PCDHGA3: variants seen among roughly 807,000 people sequenced by gnomAD.
PCDHGA3 encodes protocadherin gamma-A3.
A neutral mutation model predicts 58.5 loss-of-function variants in PCDHGA3; 40 were observed. The observed-to-expected ratio is 0.68, with a 90% CI of 0.53 to 0.89. The LOEUF is 0.89. Ranked by LOEUF, PCDHGA3 falls within the 40% of genes least tolerant of loss-of-function variation. The pLI is 0.00. For missense variants in PCDHGA3, 1,223 were observed against 1,195.9 expected (o/e 1.02, Z -0.33); for synonymous variants, 530 against 525.7 (o/e 1.01, Z -0.11).
intron 1 of PCDHGA3, chr5:141,388,215 G>A (rs2091280920): frequency 6.3e-7 from 1 of 1,597,062 alleles, no homozygotes. Flanking sequence ...GGCTGTTGCT[G>A]AAAATCCACT....
chr5:141,356,666 A>G (rs1760298726), intron 1 of PCDHGA3: 1 of 1,613,726 alleles, frequency 6.2e-7, no homozygotes, highest in Admixed American at 1.7e-5. Flanking sequence ...CGAATCACTT[A>G]CTCCCTGGCC....
chr5:141,409,875 A>G, intron 1 of PCDHGA3: 1 of 1,612,810 alleles, frequency 6.2e-7, no homozygotes, highest in Non-Finnish European at 8.5e-7. Flanking sequence ...CGCAATGACA[A>G]CGCACCGCGG....
chr5:141,432,413 G>T lies in PCDHGA3; in HGVS notation c.2425-62394G>T, dbSNP rs369816901. On this transcript the variant is annotated intron_variant, in intron 1 of 3. Transcript: ENST00000253812. This position sits in a 1 kb window ranked among gnomAD's most constrained non-coding sequence, Gnocchi z 6.0. ...CAGCAACGTGTCGTTGAGCCTGTTCGTGCTGGACCAGAACGACAATGCGCC... is the reference window on the plus strand; with the variant it reads ...CAGCAACGTGTCGTTGAGCCTGTTCTTGCTGGACCAGAACGACAATGCGCC... The T allele has an allele frequency of 6.2e-7, 1 of 1,614,232 alleles. No homozygotes were observed.
At chr5:141,385,287 T>C in intron 1 of PCDHGA3, 1 of 1,613,408 alleles carries the variant, frequency 6.2e-7, no homozygotes, top group Non-Finnish European at 8.5e-7. Flanking sequence ...CATCCGTAGA[T>C]TTTCAGGAAT....
chr5:141,502,866 CTT>C (rs549047197), intron 2 of PCDHGA3, among the ~76,000 whole-genome samples: 3 of 127,996 alleles, frequency 2.3e-5, no homozygotes, highest in Admixed American at 8.6e-5. Flanking sequence ...GACTCTCTGT[CTT>C]TTTTTTTTTT....
intron 1 of PCDHGA3, chr5:141,383,406 T>C (rs780989648): frequency 6.2e-7 from 1 of 1,613,748 alleles, no homozygotes; most frequent in Admixed American, 1.7e-5. Context: ...CCCTCCAGAG[T>C]TACCAGCTCA....
chr5:141,505,618 A>G, intron 3 of PCDHGA3, 137 bp downstream of exon 3: 6 of 1,496,136 alleles, frequency 4.0e-6, no homozygotes, highest in Non-Finnish European at 5.4e-6. Flanking sequence ...GAAAGGACCC[A>G]CAATTCCAAA....
chr5:141,358,758 G>A (rs1369983986), intron 1 of PCDHGA3, among the ~76,000 whole-genome samples: 3 of 152,164 alleles, frequency 2.0e-5, no homozygotes, highest in Admixed American at 2.0e-4. Context: ...TTGTCATCAT[G>A]TGAGCCTCTT....
At chr5:141,417,256 C>G (rs985322130) in intron 1 of PCDHGA3, 1 of 152,096 alleles carries the variant, frequency 6.6e-6, no homozygotes, top group Non-Finnish European at 1.5e-5. Flanking sequence ...CTTCCAGCTT[C>G]ATAGATAATT....
chr5:141,470,490 A>C (rs1193023083), intron 1 of PCDHGA3, among the ~76,000 whole-genome samples: 1 of 152,202 alleles, frequency 6.6e-6, no homozygotes, highest in African/African-American at 2.4e-5. Context: ...TCTGGGAATA[A>C]TATTAGGTAA....
intron 1 of PCDHGA3, chr5:141,385,530 A>T (rs1020257746): frequency 2.5e-4 from 336 of 1,356,078 alleles, no homozygotes; most frequent in Non-Finnish European, 2.9e-4. Flanking sequence ...GGACAAGATT[A>T]TGAATATGTG....
In PCDHGA3 at chr5:141,384,530, G is replaced by T. The variant is rs772652132; in HGVS notation, c.2424+38073G>T. The T allele has an allele frequency of 1.7e-5, 28 of 1,614,238 alleles. No individual in the cohort carries two copies. In the South Asian group the frequency reaches 2.6e-4, roughly 15 times the overall value. On this transcript the variant is annotated intron_variant, in intron 1 of 3. Coordinates refer to ENST00000253812, the MANE Select transcript of PCDHGA3 (RefSeq NM_018916.4). ...GACAGCGGGGACCCGCCTCTCAGCA[G>T]CAACATGTCACTGAGCCTGTTCGTG...
Position 141,487,070 on chromosome 5 carries a change from C to T in PCDHGA3, c.2425-7737C>T. ...TGCTGGGGAGGTGCGGACGGCTGTT[C>T]CTATCCCAGCTGACCTCCCACCACA... On this transcript the variant is annotated intron_variant, in intron 1 of 3. Coordinates refer to ENST00000253812, the MANE Select transcript of PCDHGA3 (RefSeq NM_018916.4). This position sits in a 1 kb window ranked among gnomAD's most constrained non-coding sequence, Gnocchi z 5.0. The T allele has an allele frequency of 6.2e-7, 1 of 1,614,154 alleles. No homozygotes were observed. Among genetic ancestry groups the T allele is most frequent in the Non-Finnish European group, 8.5e-7 (1 of 1,180,008 alleles).
chr5:141,418,681 C>T (rs778899235), intron 1 of PCDHGA3: 2 of 1,614,052 alleles, frequency 1.2e-6, no homozygotes, highest in Non-Finnish European at 1.7e-6. Flanking sequence ...AGGGCATCAA[C>T]TCAGAGATCA....
chr5:141,360,756 A>C lies in PCDHGA3; in HGVS notation c.2424+14299A>C, dbSNP rs377534214. 274 of 1,614,010 alleles carry C rather than the reference A, an allele frequency of 1.7e-4. No individual in the cohort carries two copies. Among genetic ancestry groups the C allele is most frequent in the Non-Finnish European group, 2.2e-4 (262 of 1,179,904 alleles). On this transcript the variant is annotated intron_variant, in intron 1 of 3. Coordinates refer to ENST00000253812, the MANE Select transcript of PCDHGA3 (RefSeq NM_018916.4). ...CTCTGGACAGAGAAGAGCACAGTTT[A>C]CATCAATTGGTCCTCACAGCTGTGG...
chr5:141,491,810 G>T lies in PCDHGA3; in HGVS notation c.2425-2997G>T. 1 of 1,486,878 alleles carries T rather than the reference G, an allele frequency of 6.7e-7. No individual in the cohort carries two copies. The allele number at this position is 1,486,878 out of a possible 1,614,324, so 92.1% of individuals were successfully genotyped here. A position where few individuals can be genotyped will look rare whatever the true frequency, so the allele number is the denominator to read the frequency against. ...CCACTCCTCTCCGGCCGGCTTGGTC[G>T]CTGGCTGCGCTCCACCCGATTCTCG... On this transcript the variant is annotated intron_variant, in intron 1 of 3. Coordinates refer to ENST00000253812, the MANE Select transcript of PCDHGA3 (RefSeq NM_018916.4). This position sits in a 1 kb window ranked among gnomAD's most constrained non-coding sequence, Gnocchi z 6.9.
chr5:141,483,538 G>C (rs571240759), intron 1 of PCDHGA3, among the ~76,000 whole-genome samples: 1 of 152,230 alleles, frequency 6.6e-6, no homozygotes, highest in African/African-American at 2.4e-5. Flanking sequence ...AAGCTGGGTG[G>C]TTGACAGTGC....
rs150106838 is a variant in PCDHGA3, at chr5:141,503,886, T to C, written c.2484-1507T>C. On this transcript the variant is annotated intron_variant, in intron 2 of 3. Coordinates refer to ENST00000253812, the MANE Select transcript of PCDHGA3 (RefSeq NM_018916.4). Reference sequence around the variant, plus strand: ...AGTTCTTGGTTGTGCTCACCCACCATGACAAAATATGCACACACACAACGC... The same window carrying C: ...AGTTCTTGGTTGTGCTCACCCACCACGACAAAATATGCACACACACAACGC... Among the ~76,000 whole-genome samples, 20 of 152,290 alleles carry C rather than the reference T, an allele frequency of 1.3e-4. No individual in the cohort carries two copies. The South Asian group carries it at 3.9e-3, about 30-fold the overall frequency.
chr5:141,365,591 A>C (rs1341115050), intron 1 of PCDHGA3: 1 of 1,613,546 alleles, frequency 6.2e-7, no homozygotes, highest in African/African-American at 1.3e-5. Context: ...TTATAATATC[A>C]CTTTAACCGT....
Sources: gnomAD v4.1 joint callset for allele counts (sites outside exome capture counted in the v4.1 genomes callset) on GRCh38, gnomAD v4.1.1 for gene constraint, Gnocchi (gnomAD v3.1) non-coding constraint, MANE v1.5 for transcripts, NCBI Gene and HGNC (gene_info 2026-07-23, HGNC 2026-07-21) for gene names.